Variants in OSBPL9 observed in about 807,000 individuals in gnomAD.
The protein encoded by OSBPL9 is oxysterol binding protein like 9, also known as oxysterol-binding protein-related protein 9.
OSBPL9 carries 40 observed loss-of-function variants against 106.6 expected under a neutral mutation model. That is an observed-to-expected ratio of 0.38 (90% confidence interval 0.29 to 0.49). The LOEUF is 0.49. Among genes scored for constraint, OSBPL9 ranks in the 20% least tolerant of loss-of-function variants. The probability of loss-of-function intolerance (pLI) is 0.97; values close to 1 mark genes in which losing one functional copy is unlikely to be tolerated. For synonymous variants in OSBPL9, 269 were observed against 295.4 expected (o/e 0.91, Z 0.92); for missense variants, 609 against 887.2 (o/e 0.69, Z 3.98).
chr1:51,748,454 T>A, intron 7 of OSBPL9, 56 bp downstream of exon 7: 1 of 1,412,702 alleles, frequency 7.1e-7, no homozygotes, highest in South Asian at 1.7e-5. Flanking sequence ...TTTAAAAAGT[T>A]ATTTCTATTT....
chr1:51,718,204 G>A (rs1661426644), intron 4 of OSBPL9, among the ~76,000 whole-genome samples: 1 of 152,138 alleles, frequency 6.6e-6, no homozygotes, highest in African/African-American at 2.4e-5. Flanking sequence ...ACCAGAGGCT[G>A]GAAGGGTGGT....
chr1:51,568,726 C>G, the OSBPL9 span, among the ~76,000 whole-genome samples: 2 of 152,048 alleles, frequency 1.3e-5, no homozygotes, highest in Non-Finnish European at 2.9e-5. Context: ...GCCACCACAC[C>G]TGGCTAATTT....
rs72343545 is a variant in OSBPL9, at chr1:51,788,838, ATATCTATC to A, written c.*1062_*1069del. 0.013 allele frequency among the ~76,000 whole-genome samples: 1,949 copies of A among 152,026 alleles called. 37 individuals are homozygous for A. Among genetic ancestry groups the A allele is most frequent in the African/African-American group, 0.043 (1,779 of 41,416 alleles). On this transcript the variant is annotated 3_prime_UTR_variant, in exon 24 of 24. Transcript: ENST00000428468. ...TCATTCTGAAGGGAAATACAGAACT[ATATCTATC>A]TATCTATCTATCATCTTTTTTATTT...
chr1:51,569,580 A>G, the OSBPL9 span: 1 of 152,184 alleles, frequency 6.6e-6, no homozygotes, highest in African/African-American at 2.4e-5. Flanking sequence ...TCCTGAGTGC[A>G]TATCCTCCTG....
intron 3 of OSBPL9, among the ~76,000 whole-genome samples, chr1:51,680,869 T>G (rs780356361): frequency 7.2e-5 from 11 of 152,192 alleles, no homozygotes; most frequent in Non-Finnish European, 1.2e-4. Context: ...TTAATATTTC[T>G]GAAACAGTCT....
At chr1:51,759,397 A>G (rs1393137706) in intron 9 of OSBPL9, 1 of 152,120 alleles carries the variant, frequency 6.6e-6, no homozygotes, top group Non-Finnish European at 1.5e-5. Context: ...ATATTACGTG[A>G]GAATGCTACA....
intron 2 of OSBPL9, among the ~76,000 whole-genome samples, chr1:51,599,841 C>T (rs755663968): frequency 1.3e-5 from 2 of 152,162 alleles, no homozygotes; most frequent in Non-Finnish European, 2.9e-5. Context: ...TTATTTCTCA[C>T]AGTTCTGGAG....
intron 5 of OSBPL9, 152 bp from the exon 6 acceptor site, chr1:51,746,558 C>T (rs1668018999): frequency 5.3e-6 from 3 of 561,534 alleles, no homozygotes; most frequent in East Asian, 2.9e-5. Flanking sequence ...ATTGAGTGCT[C>T]GAAAAAAAAT....
chr1:51,667,735 C>T (rs1215394305), intron 2 of OSBPL9, among the ~76,000 whole-genome samples: 2 of 152,140 alleles, frequency 1.3e-5, no homozygotes, highest in African/African-American at 4.8e-5. Flanking sequence ...CCAGAATGAG[C>T]TGTTTCTGCA....
At chr1:51,768,428 G>A (rs1673114271) in intron 12 of OSBPL9, among the ~76,000 whole-genome samples, 1 of 149,238 alleles carries the variant, frequency 6.7e-6, no homozygotes, top group Non-Finnish European at 1.5e-5. Context: ...TGGCCAGGCT[G>A]GTGTCGAACT....
At chr1:51,588,417 G>A (rs1286192665) in intron 1 of OSBPL9, among the ~76,000 whole-genome samples, 1 of 152,064 alleles carries the variant, frequency 6.6e-6, no homozygotes, top group East Asian at 1.9e-4. Flanking sequence ...TCAGCACATT[G>A]GGAAGCCAAA....
the OSBPL9 span, among the ~76,000 whole-genome samples, chr1:51,532,032 T>G: frequency 1.3e-5 from 2 of 152,142 alleles, no homozygotes; most frequent in Non-Finnish European, 2.9e-5. Flanking sequence ...ATCAAAGAGC[T>G]AGTTAGATGA....
chr1:51,577,870 G>A (rs953069102), intron 1 of OSBPL9, among the ~76,000 whole-genome samples: 2 of 152,096 alleles, frequency 1.3e-5, no homozygotes, highest in South Asian at 2.1e-4. Context: ...GCTCAGACCC[G>A]GTTCTAGGTA....
chr1:51,551,191 TCTC>T, the OSBPL9 span, among the ~76,000 whole-genome samples: 1 of 152,150 alleles, frequency 6.6e-6, no homozygotes, highest in Non-Finnish European at 1.5e-5. Flanking sequence ...CATGAATATT[TCTC>T]CTCCTAACAT....
intron 1 of OSBPL9, among the ~76,000 whole-genome samples, chr1:51,633,113 C>G (rs1402420471): frequency 6.6e-6 from 1 of 151,970 alleles, no homozygotes; most frequent in African/African-American, 2.4e-5. Flanking sequence ...TTCGCCACCA[C>G]GCCTGGCTAA....
intron 14 of OSBPL9, among the ~76,000 whole-genome samples, chr1:51,773,619 G>A (rs564786882): frequency 2.0e-5 from 3 of 152,258 alleles, no homozygotes; most frequent in South Asian, 2.1e-4. Flanking sequence ...TTGTTCTGCC[G>A]AGCTTTGGGG....
chr1:51,671,973 C>T (rs1649983359), intron 3 of OSBPL9, among the ~76,000 whole-genome samples: 1 of 152,134 alleles, frequency 6.6e-6, no homozygotes. Flanking sequence ...ATTTGAAGAA[C>T]AGCTAGAGGT....
intron 2 of OSBPL9, among the ~76,000 whole-genome samples, chr1:51,667,652 T>C (rs1648832260): frequency 6.6e-6 from 1 of 152,262 alleles, no homozygotes; most frequent in Admixed American, 6.5e-5. Context: ...TTTTGGTATT[T>C]AGTTATGGCT....
At chr1:51,568,745 C>A in the OSBPL9 span, among the ~76,000 whole-genome samples, 1 of 151,950 alleles carries the variant, frequency 6.6e-6, no homozygotes, top group Non-Finnish European at 1.5e-5. Flanking sequence ...TTTTCTTTTT[C>A]TCGAGACGGA....
Sources: allele counts gnomAD v4.1 joint callset (sites outside exome capture counted in the v4.1 genomes callset), GRCh38; gene constraint gnomAD v4.1.1; transcripts MANE v1.5; gene names NCBI Gene and HGNC (gene_info 2026-07-23, HGNC 2026-07-21).